DCDC2C: variants seen among roughly 807,000 people sequenced by gnomAD.
DCDC2C encodes doublecortin domain-containing protein 2C.
In DCDC2C, 44 loss-of-function variants were observed where a neutral mutation model predicts 45.0. The ratio of observed to expected loss-of-function variants is 0.98; its 90% CI spans 0.77 to 1.26. The LOEUF (loss-of-function observed/expected upper bound fraction) is 1.26. Ranked by LOEUF, DCDC2C falls within the 50% of genes most tolerant of loss-of-function variation. The probability of loss-of-function intolerance (pLI) is 0.00; values close to 1 mark genes in which losing one functional copy is unlikely to be tolerated. For synonymous variants in DCDC2C, 187 were observed against 178.8 expected, an observed-to-expected ratio of 1.05 and a Z score of -0.37; for missense variants, 447 against 468.9, an observed-to-expected ratio of 0.95 and a Z score of 0.43.
chr2:3,833,659 T>A (rs907461453), intron 10 of DCDC2C, among the ~76,000 whole-genome samples: 3 of 152,206 alleles, frequency 2.0e-5, no homozygotes, highest in Non-Finnish European at 4.4e-5. Flanking sequence ...TTTAGAAATG[T>A]TACTGCAGCC....
At chr2:3,768,289 G>T (rs1325508811) in intron 7 of DCDC2C, among the ~76,000 whole-genome samples, 1 of 151,948 alleles carries the variant, frequency 6.6e-6, no homozygotes, top group Non-Finnish European at 1.5e-5. Context: ...TGGATCTTCA[G>T]AGCTGGTTTT....
chr2:3,756,858 T>G (rs1669734267), intron 6 of DCDC2C, among the ~76,000 whole-genome samples: 1 of 152,256 alleles, frequency 6.6e-6, no homozygotes, highest in African/African-American at 2.4e-5. Context: ...GAATTGACTC[T>G]TATTATTTTT....
chr2:3,815,245 GCTCA>G (rs1218078445), intron 10 of DCDC2C, among the ~76,000 whole-genome samples: 2 of 152,240 alleles, frequency 1.3e-5, no homozygotes, highest in Admixed American at 1.3e-4. Context: ...TGGGTAGCAC[GCTCA>G]CTCACTGCCT....
At chr2:3,835,898 C>G (rs1363509315) in intron 10 of DCDC2C, among the ~76,000 whole-genome samples, 2 of 152,162 alleles carry the variant, frequency 1.3e-5, no homozygotes, top group Admixed American at 6.5e-5. Flanking sequence ...TGTACACCAC[C>G]ATGGCTGGCT....
At position 3,828,352 on chromosome 2, in the gene DCDC2C, G is replaced by A. The variant is rs749240183; in HGVS notation, c.1066-18802G>A. Among the ~76,000 whole-genome samples, 8 of 152,248 alleles carry A rather than the reference G, an allele frequency of 5.3e-5. 1 individual carries two copies. Among genetic ancestry groups the A allele is most frequent in the South Asian group, 4.2e-4 (2 of 4,816 alleles). On this transcript the variant is annotated intron_variant, in intron 10 of 10. Coordinates refer to ENST00000399143, the MANE Select transcript of DCDC2C (RefSeq NM_001287444.2). ...GAAAGTGGTGTGCTGGGTGCAGGGC[G>A]GGTGCCGCTCACCCGGGGCTGCCCT...
At chr2:3,732,928 A>G (rs1186261315) in intron 3 of DCDC2C, among the ~76,000 whole-genome samples, 1 of 152,216 alleles carries the variant, frequency 6.6e-6, no homozygotes, top group Non-Finnish European at 1.5e-5. Flanking sequence ...CTGAGGGTGT[A>G]ATGGCAATGC....
rs541557998 is a variant in DCDC2C at position 3,734,681 on chromosome 2, G to T, written c.417-7239G>T. 6.6e-6 allele frequency among the ~76,000 whole-genome samples: 1 copy of T among 152,302 alleles called. No individual in the cohort carries two copies. Among genetic ancestry groups the T allele is most frequent in the Admixed American group, 6.5e-5 (1 of 15,300 alleles). ...GACAGGCAGCCTGGACAAGACTGGT[G>T]GTTGCAGCCCTGGCTCACAGGCAGG... On this transcript the variant is annotated intron_variant, in intron 3 of 10. Transcript: ENST00000399143. This position sits in a 1 kb window ranked among gnomAD's most constrained non-coding sequence, Gnocchi z 4.2.
intron 10 of DCDC2C, among the ~76,000 whole-genome samples, chr2:3,843,373 G>A (rs1471888819): frequency 1.3e-5 from 2 of 151,456 alleles, no homozygotes; most frequent in Non-Finnish European, 2.9e-5. Context: ...TTTGGGGAAG[G>A]CAGTGTGTGA....
At chr2:3,782,205 A>G (rs1248287752) in intron 9 of DCDC2C, among the ~76,000 whole-genome samples, 11 of 152,204 alleles carry the variant, frequency 7.2e-5, no homozygotes, top group Admixed American at 6.5e-4. Flanking sequence ...GGAGCTGTTC[A>G]GATGCAAGTA....
At position 3,734,654 on chromosome 2, in the gene DCDC2C, G is replaced by A. The variant is rs1305611003; in HGVS notation, c.417-7266G>A. 6.6e-6 allele frequency among the ~76,000 whole-genome samples: 1 copy of A among 152,338 alleles called. No individual in the cohort carries two copies. The highest frequency in any genetic ancestry group is 1.9e-4 in the East Asian group (1 of 5,178). ...TCTAATAGGCGACCCAGTTGCAAAT[G>A]AGACAGGCAGCCTGGACAAGACTGG... On this transcript the variant is annotated intron_variant, in intron 3 of 10. Transcript: ENST00000399143. This position sits in a 1 kb window ranked among gnomAD's most constrained non-coding sequence, Gnocchi z 4.2.
intron 10 of DCDC2C, among the ~76,000 whole-genome samples, chr2:3,844,839 A>T (rs1052728869): frequency 6.6e-6 from 1 of 152,070 alleles, no homozygotes; most frequent in Admixed American, 6.5e-5. Context: ...CCCTTCTTAC[A>T]CTGTCAACCC....
Position 3,766,078 on chromosome 2 carries a change from A to G in DCDC2C, c.727-1676A>G, listed in dbSNP as rs752849284. Reference sequence around the variant, plus strand: ...TCCAAAGTTACTTTCGTTTTGGGTGACTTTCCACGTCAGGGTGGAGGCTCC... The same window carrying G: ...TCCAAAGTTACTTTCGTTTTGGGTGGCTTTCCACGTCAGGGTGGAGGCTCC... On this transcript the variant is annotated intron_variant, in intron 6 of 10. Transcript: ENST00000399143. Among the ~76,000 whole-genome samples the G allele has an allele frequency of 3.5e-4, 53 of 152,158 alleles. No homozygotes were observed. The Middle Eastern group carries it at 0.01, about 29-fold the overall frequency.
chr2:3,736,576 C>T (rs1669033704), intron 3 of DCDC2C, among the ~76,000 whole-genome samples: 2 of 152,178 alleles, frequency 1.3e-5, no homozygotes, highest in Admixed American at 6.5e-5. Context: ...ATTCTTCGCT[C>T]CTCTGGAGGG....
At chr2:3,832,551 C>G (rs1206086879) in intron 10 of DCDC2C, among the ~76,000 whole-genome samples, 4 of 152,238 alleles carry the variant, frequency 2.6e-5, no homozygotes, top group Non-Finnish European at 4.4e-5. Context: ...CTCTGCCACT[C>G]TTCCTATCAA....
At chr2:3,810,000 G>A (rs1369205413) in intron 10 of DCDC2C, among the ~76,000 whole-genome samples, 2 of 152,124 alleles carry the variant, frequency 1.3e-5, no homozygotes, top group Non-Finnish European at 2.9e-5. Flanking sequence ...TCATTGATGG[G>A]CATTTGGGTT....
In DCDC2C at chr2:3,806,678, G is replaced by A. The variant is rs562504620; in HGVS notation, c.1065+21578G>A. Among the ~76,000 whole-genome samples, 70 of 151,954 alleles carry A rather than the reference G, an allele frequency of 4.6e-4. 1 individual carries two copies. Among genetic ancestry groups the A allele is most frequent in the African/African-American group, 1.5e-3 (64 of 41,440 alleles). On this transcript the variant is annotated intron_variant, in intron 10 of 10. Coordinates refer to ENST00000399143, the MANE Select transcript of DCDC2C (RefSeq NM_001287444.2). ...CTGCCTCAGCGTCCTGAGTAGCTGGGATTACAGGCACGCACCACCATGCCT... is the reference window on the plus strand; with the variant it reads ...CTGCCTCAGCGTCCTGAGTAGCTGGAATTACAGGCACGCACCACCATGCCT...
At chr2:3,824,350 C>T (rs1312426751) in intron 10 of DCDC2C, among the ~76,000 whole-genome samples, 4 of 152,208 alleles carry the variant, frequency 2.6e-5, no homozygotes, top group Admixed American at 1.3e-4. Flanking sequence ...TGCAACTACT[C>T]AACTCTGTTT....
chr2:3,779,929 G>A (rs1670465895), intron 9 of DCDC2C, among the ~76,000 whole-genome samples: 1 of 152,186 alleles, frequency 6.6e-6, no homozygotes, highest in Non-Finnish European at 1.5e-5. Context: ...TGTTGGAAGG[G>A]ATATGGGTCC....
At chr2:3,733,373 G>A (rs751430997) in intron 3 of DCDC2C, among the ~76,000 whole-genome samples, 11 of 152,238 alleles carry the variant, frequency 7.2e-5, no homozygotes, top group Admixed American at 1.3e-4. Flanking sequence ...TCTGGGATGA[G>A]TCAGGTGTAA....
Sources: gnomAD v4.1 joint callset for allele counts (sites outside exome capture counted in the v4.1 genomes callset) on GRCh38, gnomAD v4.1.1 for gene constraint, Gnocchi (gnomAD v3.1) non-coding constraint, MANE v1.5 for transcripts, NCBI Gene and HGNC (gene_info 2026-07-23, HGNC 2026-07-21) for gene names.